The following FAM78B variants were observed in gnomAD, a reference collection of about 807,000 sequenced individuals.
FAM78B encodes the protein family with sequence similarity 78 member B, also known as protein FAM78B.
Under a neutral mutation model 20.0 loss-of-function variants are expected in FAM78B, and 10 were observed. That is an observed-to-expected ratio of 0.50 (90% CI 0.31 to 0.85). The LOEUF (loss-of-function observed/expected upper bound fraction) is 0.85. Ranked by LOEUF, FAM78B falls within the 40% of genes least tolerant of loss-of-function variation. The pLI, the probability that FAM78B is intolerant of heterozygous loss-of-function variation, is 0.05. For missense variants in FAM78B, 283 were observed against 345.0 expected (o/e 0.82, Z 1.42); for synonymous variants, 135 against 132.8 (o/e 1.02, Z -0.12).
At chr1:166,076,258 T>C (rs1458267776) in intron 1 of FAM78B, among the ~76,000 whole-genome samples, 1 of 152,196 alleles carries the variant, frequency 6.6e-6, no homozygotes, top group Non-Finnish European at 1.5e-5. Context: ...CCCTACATGA[T>C]CCGGTTCCCT....
chr1:166,136,059 C>T (rs1055566467), intron 1 of FAM78B, among the ~76,000 whole-genome samples: 5 of 152,088 alleles, frequency 3.3e-5, no homozygotes, highest in Non-Finnish European at 5.9e-5. Context: ...TTTTTTCAAA[C>T]AGTTCTTTTA....
At chr1:166,153,948 C>T (rs1655791216) in intron 1 of FAM78B, among the ~76,000 whole-genome samples, 1 of 152,162 alleles carries the variant, frequency 6.6e-6, no homozygotes, top group Non-Finnish European at 1.5e-5. Flanking sequence ...AGACACAGCA[C>T]CATTTGATCA....
intron 1 of FAM78B, among the ~76,000 whole-genome samples, chr1:166,093,136 A>C (rs1653144635): frequency 6.6e-6 from 1 of 152,226 alleles, no homozygotes; most frequent in Non-Finnish European, 1.5e-5. Context: ...GCTTTATGTA[A>C]TATGTAAATA....
chr1:166,135,734 C>T (rs1197528177), intron 1 of FAM78B, among the ~76,000 whole-genome samples: 1 of 152,224 alleles, frequency 6.6e-6, no homozygotes, highest in Non-Finnish European at 1.5e-5. Context: ...TTCTGGACTA[C>T]CTGCCCCAAA....
Position 166,166,287 on chromosome 1 carries a change from C to G in FAM78B, c.-39G>C. ...GCCGGCACGGCGCGGCGTGGGGCAG[C>G]GCGGGGGCCCGCGCGGGCAGCCGGG... On this transcript the variant is annotated 5_prime_UTR_variant, in exon 1 of 2. Coordinates refer to ENST00000354422, the MANE Select transcript of FAM78B (RefSeq NM_001017961.5). The G allele has an allele frequency of 8.3e-7, 1 of 1,206,664 alleles. No individual in the cohort carries two copies. The allele number at this position is 1,206,664 out of a possible 1,614,324, so 74.7% of individuals were successfully genotyped here. A position where few individuals can be genotyped will look rare whatever the true frequency, so the allele number is the denominator to read the frequency against.
chr1:166,126,903 A>G (rs1557909824), intron 1 of FAM78B, among the ~76,000 whole-genome samples: 1 of 152,212 alleles, frequency 6.6e-6, no homozygotes, highest in Non-Finnish European at 1.5e-5. Context: ...ACGCTAACAC[A>G]TGGAAACCAA....
chr1:166,158,477 T>A (rs1656003996), intron 1 of FAM78B, among the ~76,000 whole-genome samples: 1 of 152,174 alleles, frequency 6.6e-6, no homozygotes, highest in Non-Finnish European at 1.5e-5. Flanking sequence ...ATAACTTCCC[T>A]CACTGGGTAA....
At chr1:166,149,094 G>A (rs376682885) in intron 1 of FAM78B, among the ~76,000 whole-genome samples, 101 of 152,100 alleles carry the variant, frequency 6.6e-4, no homozygotes, top group Admixed American at 2.0e-3. Context: ...GAATAATGCC[G>A]CAATAAACAT....
chr1:166,069,129 T>C (rs909000579), downstream of FAM78B, among the ~76,000 whole-genome samples: 4 of 152,184 alleles, frequency 2.6e-5, no homozygotes, highest in Admixed American at 6.5e-5. Flanking sequence ...TATAAAAATA[T>C]ACAGCGTATG....
At chr1:166,154,048 C>T (rs574884730) in intron 1 of FAM78B, among the ~76,000 whole-genome samples, 29 of 152,370 alleles carry the variant, frequency 1.9e-4, no homozygotes, top group Admixed American at 1.1e-3. Flanking sequence ...GACAGGGTCT[C>T]CAGGCTGCTA....
At chr1:166,131,151 C>T (rs942708726) in intron 1 of FAM78B, among the ~76,000 whole-genome samples, 3 of 151,826 alleles carry the variant, frequency 2.0e-5, no homozygotes, top group Non-Finnish European at 4.4e-5. Context: ...GCCACCACAC[C>T]CGGCTAATTT....
At chr1:166,133,216 G>A (rs1340746206) in intron 1 of FAM78B, among the ~76,000 whole-genome samples, 1 of 152,192 alleles carries the variant, frequency 6.6e-6, no homozygotes, top group African/African-American at 2.4e-5. Context: ...TAAGGGCTGA[G>A]CTGTGCACAG....
chr1:166,123,233 C>A lies in FAM78B; in HGVS notation c.263+42753G>T, dbSNP rs116083849. Reference sequence around the variant, plus strand: ...TTTCAAAGCCAGGCCAGGCCTCCCCCACCCTGGACCACCTGTAGCTGGTTC... The same window carrying A: ...TTTCAAAGCCAGGCCAGGCCTCCCCAACCCTGGACCACCTGTAGCTGGTTC... On this transcript the variant is annotated intron_variant, in intron 1 of 1. Transcript: ENST00000354422. Among the ~76,000 whole-genome samples, 637 of 152,344 alleles carry A rather than the reference C, an allele frequency of 4.2e-3. 4 individuals carry two copies. The highest frequency in any genetic ancestry group is 0.014 in the African/African-American group (572 of 41,578).
At chr1:166,113,685 CCA>C (rs1405699459) in intron 1 of FAM78B, among the ~76,000 whole-genome samples, 2 of 152,216 alleles carry the variant, frequency 1.3e-5, no homozygotes, top group African/African-American at 4.8e-5. Context: ...CCATAGTGTC[CCA>C]GCTGGCTTTC....
chr1:166,085,837 C>T (rs1652805024), intron 1 of FAM78B, among the ~76,000 whole-genome samples: 1 of 152,056 alleles, frequency 6.6e-6, no homozygotes, highest in Admixed American at 6.6e-5. Flanking sequence ...AGTCTGGAAA[C>T]CAGGAAATAA....
intron 1 of FAM78B, among the ~76,000 whole-genome samples, chr1:166,152,803 A>T (rs977196079): frequency 6.6e-6 from 1 of 151,862 alleles, no homozygotes; most frequent in Non-Finnish European, 1.5e-5. Context: ...TCAGCCTCCC[A>T]AGTAGCTGGA....
chr1:166,155,608 T>C (rs774057084), intron 1 of FAM78B, among the ~76,000 whole-genome samples: 16 of 151,706 alleles, frequency 1.1e-4, no homozygotes, highest in Non-Finnish European at 1.9e-4. Context: ...CAACAGGAGG[T>C]TGGGGGTTAG....
exon 3 of FAM78B, chr1:166,057,484 A>G (rs1360297130): frequency 1.3e-5 from 2 of 152,208 alleles, no homozygotes; most frequent in East Asian, 3.8e-4. Flanking sequence ...CAGAGAAGTG[A>G]AATGCAACAT....
chr1:166,101,904 T>C (rs539140742), intron 1 of FAM78B, among the ~76,000 whole-genome samples: 1 of 152,006 alleles, frequency 6.6e-6, no homozygotes, highest in African/African-American at 2.4e-5. Context: ...AGACACATAA[T>C]TGTCAGATTC....
Sources: allele counts gnomAD v4.1 joint callset (sites outside exome capture counted in the v4.1 genomes callset), GRCh38; gene constraint gnomAD v4.1.1; transcripts MANE v1.5; gene names NCBI Gene and HGNC (gene_info 2026-07-23, HGNC 2026-07-21).